Variants in LUZP2 observed in about 807,000 individuals in gnomAD.
The protein encoded by LUZP2 is leucine zipper protein 2.
Under a neutral mutation model 51.6 loss-of-function variants are expected in LUZP2, and 52 were observed. That is an observed-to-expected ratio of 1.01 (90% CI 0.81 to 1.27). LUZP2 has a LOEUF of 1.27. Ranked by LOEUF, LUZP2 falls within the 50% of genes most tolerant of loss-of-function variation. The pLI, the probability that LUZP2 is intolerant of heterozygous loss-of-function variation, is 0.00. For synonymous variants in LUZP2, 154 were observed against 137.3 expected (o/e 1.12, Z -0.85); for missense variants, 436 against 395.4 (o/e 1.10, Z -0.87).
chr11:25,055,662 T>G (rs1036776263), intron 10 of LUZP2, among the ~76,000 whole-genome samples: 4 of 152,120 alleles, frequency 2.6e-5, no homozygotes, highest in African/African-American at 9.7e-5. Flanking sequence ...CTTATCAGTC[T>G]AGACCGATAA....
intron 1 of LUZP2, among the ~76,000 whole-genome samples, chr11:24,578,973 C>CTAATCCAGA (rs1410774469): frequency 6.6e-6 from 1 of 152,076 alleles, no homozygotes; most frequent in Non-Finnish European, 1.5e-5. Context: ...TGTCTGATTT[C>CTAATCCAGA]TAATCCAGAA....
intron 1 of LUZP2, among the ~76,000 whole-genome samples, chr11:24,565,128 A>T (rs1852172784): frequency 6.6e-6 from 1 of 152,152 alleles, no homozygotes; most frequent in South Asian, 2.1e-4. Context: ...TCCTACCAAA[A>T]AATTGGGATT....
intron 5 of LUZP2, among the ~76,000 whole-genome samples, chr11:24,862,720 G>C (rs915826630): frequency 6.6e-6 from 1 of 152,096 alleles, no homozygotes; most frequent in Non-Finnish European, 1.5e-5. Flanking sequence ...AAATAAACTG[G>C]ACTTCATCAG....
At chr11:24,700,622 G>A (rs1298707609) in intron 1 of LUZP2, among the ~76,000 whole-genome samples, 1 of 151,914 alleles carries the variant, frequency 6.6e-6, no homozygotes, top group Non-Finnish European at 1.5e-5. Flanking sequence ...TAAAATTGGT[G>A]CTAAATATAT....
chr11:24,737,196 C>T (rs951679888), intron 3 of LUZP2, among the ~76,000 whole-genome samples: 16 of 152,016 alleles, frequency 1.1e-4, no homozygotes, highest in Non-Finnish European at 2.1e-4. Context: ...GCTTTGCTTA[C>T]GTTCTGTCGT....
intron 1 of LUZP2, among the ~76,000 whole-genome samples, chr11:24,521,690 A>G (rs551069097): frequency 2.0e-5 from 3 of 152,300 alleles, no homozygotes; most frequent in Non-Finnish European, 4.4e-5. Flanking sequence ...TTCAATAACT[A>G]GATCCAGTGA....
intron 5 of LUZP2, among the ~76,000 whole-genome samples, chr11:24,827,693 T>C (rs1201657096): frequency 1.3e-5 from 2 of 152,144 alleles, no homozygotes; most frequent in African/African-American, 2.4e-5. Flanking sequence ...GCTTGTGGTC[T>C]ATTATCAACT....
chr11:24,920,460 G>T (rs921098019), intron 7 of LUZP2, among the ~76,000 whole-genome samples: 2 of 151,834 alleles, frequency 1.3e-5, no homozygotes, highest in Non-Finnish European at 2.9e-5. Context: ...CCCCCAAAAA[G>T]AAATAATTAA....
intron 5 of LUZP2, among the ~76,000 whole-genome samples, chr11:24,880,666 A>G (rs148004138): frequency 2.8e-4 from 42 of 152,128 alleles, no homozygotes; most frequent in Middle Eastern, 6.8e-3. Flanking sequence ...CTGTGGGTTG[A>G]GATCTCTTAA....
intron 5 of LUZP2, among the ~76,000 whole-genome samples, chr11:24,838,803 A>G (rs2631481): frequency 0.16 from 23,682 of 151,518 alleles, 2,052 homozygotes; most frequent in African/African-American, 0.22. Flanking sequence ...ATGATGAAAG[A>G]TCTGGACTCT....
At chr11:24,908,263 T>C (rs1015071905) in intron 6 of LUZP2, among the ~76,000 whole-genome samples, 22 of 152,198 alleles carry the variant, frequency 1.4e-4, no homozygotes, top group Non-Finnish European at 2.4e-4. Flanking sequence ...CAAGGGAAGC[T>C]ACTATAAACA....
At chr11:24,785,096 T>C (rs1316548774) in intron 5 of LUZP2, among the ~76,000 whole-genome samples, 3 of 152,030 alleles carry the variant, frequency 2.0e-5, no homozygotes, top group Admixed American at 2.0e-4. Flanking sequence ...CTATTTATGC[T>C]CATTCCTCTT....
intron 5 of LUZP2, among the ~76,000 whole-genome samples, chr11:24,824,390 A>AAAAAAAAAAAAAAT (rs1304693659): frequency 1.0e-4 from 15 of 147,578 alleles, no homozygotes; most frequent in African/African-American, 3.8e-4. Flanking sequence ...AAAAAAAAAA[A>AAAAAAAAAAAAAAT]AAATGAGTGG....
At chr11:24,805,803 A>G (rs1382497152) in intron 5 of LUZP2, among the ~76,000 whole-genome samples, 1 of 152,206 alleles carries the variant, frequency 6.6e-6, no homozygotes, top group Non-Finnish European at 1.5e-5. Flanking sequence ...AGAGTAATGG[A>G]GAAGTAAGAC....
intron 5 of LUZP2, among the ~76,000 whole-genome samples, chr11:24,821,098 A>G (rs1272148007): frequency 6.6e-6 from 1 of 152,166 alleles, no homozygotes; most frequent in Non-Finnish European, 1.5e-5. Context: ...TATTTTAAGA[A>G]TATGTAGTCT....
At chr11:24,570,109 A>G (rs1344238534) in intron 1 of LUZP2, among the ~76,000 whole-genome samples, 1 of 152,048 alleles carries the variant, frequency 6.6e-6, no homozygotes, top group Non-Finnish European at 1.5e-5. Context: ...CTCTTTATTC[A>G]GATATTTTTA....
chr11:24,826,908 T>C (rs891283782), intron 5 of LUZP2, among the ~76,000 whole-genome samples: 1 of 105,820 alleles, frequency 9.5e-6, no homozygotes, highest in Non-Finnish European at 2.1e-5. Context: ...TTTCTCATGC[T>C]GGTGTTTAAA....
chr11:24,992,323 T>A (rs1199919200), intron 9 of LUZP2, among the ~76,000 whole-genome samples: 2 of 152,014 alleles, frequency 1.3e-5, no homozygotes, highest in Non-Finnish European at 2.9e-5. Context: ...TGTACTCTAT[T>A]TTGGAAAAGA....
chr11:24,942,383 T>C (rs1295640098), intron 7 of LUZP2, among the ~76,000 whole-genome samples: 7 of 152,190 alleles, frequency 4.6e-5, no homozygotes, highest in African/African-American at 1.2e-4. Context: ...TGGTCAGTCC[T>C]GAGTTTCAGT....
Sources: gnomAD v4.1 joint callset for allele counts (sites outside exome capture counted in the v4.1 genomes callset) on GRCh38, gnomAD v4.1.1 for gene constraint, MANE v1.5 for transcripts, NCBI Gene and HGNC (gene_info 2026-07-23, HGNC 2026-07-21) for gene names.